PLB1: variants seen among roughly 807,000 people sequenced by gnomAD.
PLB1 encodes the protein phospholipase B1, membrane-associated.
Under a neutral mutation model 227.4 loss-of-function variants are expected in PLB1, and 242 were observed. The observed-to-expected ratio is 1.06, with a 90% CI of 0.96 to 1.18. The LOEUF (loss-of-function observed/expected upper bound fraction) is 1.18, where lower values mean the gene tolerates loss of function less well. PLB1 is among the 50% of genes most tolerant of loss of function. PLB1 has a pLI of 0.00. For synonymous variants in PLB1, 757 were observed against 682.2 expected (o/e 1.11, Z -1.71); for missense variants, 1,858 against 1,816.3 (o/e 1.02, Z -0.42).
intron 11 of PLB1, among the ~76,000 whole-genome samples, chr2:28,539,579 C>G (rs147551849): frequency 6.6e-6 from 1 of 152,258 alleles, no homozygotes; most frequent in Non-Finnish European, 1.5e-5. Context: ...CTATATATTT[C>G]TGAAAATGTT....
At chr2:28,592,626 C>T (rs748937037) in intron 31 of PLB1, 35 bp from the exon 32 acceptor site, 2 of 1,607,170 alleles carry the variant, frequency 1.2e-6, no homozygotes, top group Non-Finnish European at 1.7e-6. Context: ...TGGCTTCCCT[C>T]CTGCAGCCCT....
intron 17 of PLB1, among the ~76,000 whole-genome samples, chr2:28,553,698 A>G (rs908567664): frequency 4.0e-5 from 6 of 151,792 alleles, no homozygotes; most frequent in Non-Finnish European, 8.8e-5. Flanking sequence ...TTGGTCCTAA[A>G]GGGGGGGGAC....
intron 4 of PLB1, among the ~76,000 whole-genome samples, chr2:28,521,435 A>G (rs189411329): frequency 8.5e-5 from 13 of 152,208 alleles, no homozygotes; most frequent in African/African-American, 2.6e-4. Flanking sequence ...ATCCTCACCA[A>G]TGCCTGTTTT....
chr2:28,504,427 T>C (rs1170081400), intron 1 of PLB1, among the ~76,000 whole-genome samples: 5 of 152,170 alleles, frequency 3.3e-5, no homozygotes, highest in Non-Finnish European at 7.3e-5. Context: ...AAACTTCAAG[T>C]TTGTCTTATT....
intron 53 of PLB1, 115 bp downstream of exon 53, chr2:28,629,300 C>A (rs1168308071): frequency 2.4e-6 from 2 of 847,680 alleles, no homozygotes; most frequent in Admixed American, 2.6e-5. Context: ...AGAGGGTAGA[C>A]ATGGCTCAGG....
At chr2:28,574,259 T>C (rs1189032712) in intron 21 of PLB1, among the ~76,000 whole-genome samples, 1 of 152,102 alleles carries the variant, frequency 6.6e-6, no homozygotes, top group African/African-American at 2.4e-5. Flanking sequence ...AGTTGTTTAG[T>C]GGTGATTTCT....
chr2:28,623,547 T>C (rs1320643482), intron 49 of PLB1, among the ~76,000 whole-genome samples: 1 of 152,192 alleles, frequency 6.6e-6, no homozygotes, highest in African/African-American at 2.4e-5. Context: ...ATGTATGGGA[T>C]ACAATCCTAG....
chr2:28,620,825 G>T (rs1251387550), intron 48 of PLB1, 54 bp from the exon 49 acceptor site: 1 of 1,520,488 alleles, frequency 6.6e-7, no homozygotes, highest in Non-Finnish European at 9.1e-7. Context: ...CAGTTACTGT[G>T]AGGGTCCTGC....
intron 43 of PLB1, among the ~76,000 whole-genome samples, chr2:28,612,323 C>G (rs1005692124): frequency 2.0e-5 from 3 of 152,164 alleles, no homozygotes; most frequent in African/African-American, 7.2e-5. Context: ...CTCTTCCTTT[C>G]CCGCTGTCTG....
intron 55 of PLB1, 80 bp downstream of exon 55, chr2:28,632,220 G>GAT: frequency 9.3e-7 from 1 of 1,078,384 alleles, no homozygotes; most frequent in East Asian, 2.6e-5. Flanking sequence ...CTCTAAGTGG[G>GAT]CTTTTTTTTT....
chr2:28,501,613 C>T (rs1667112177), intron 1 of PLB1, among the ~76,000 whole-genome samples: 1 of 152,134 alleles, frequency 6.6e-6, no homozygotes, highest in African/African-American at 2.4e-5. Context: ...TTCCCCTACC[C>T]TTTCTATCCC....
In PLB1 at chr2:28,553,639, CA is replaced by C. The variant is rs528478687; in HGVS notation, c.1147+652del. On this transcript the variant is annotated intron_variant, in intron 17 of 57. Coordinates refer to ENST00000327757, the MANE Select transcript of PLB1 (RefSeq NM_153021.5). ...TGGCCATCTGGTGACCTGAGTGACT[CA>C]AAACATCAGCCTAGGAGCATCTGTA... is the stretch of plus-strand genomic sequence containing the variant. Among the ~76,000 whole-genome samples the C allele has an allele frequency of 1.5e-4, 23 of 152,256 alleles. No individual in the cohort carries two copies. The East Asian group carries it at 4.4e-3, about 29-fold the overall frequency.
chr2:28,590,149 A>G, intron 29 of PLB1, 73 bp downstream of exon 29: 2 of 1,310,716 alleles, frequency 1.5e-6, no homozygotes, highest in Non-Finnish European at 2.2e-6. Flanking sequence ...CTAGGCCCTC[A>G]CCCTCACCCC....
At chr2:28,603,473 C>T (rs1411086690) in intron 39 of PLB1, among the ~76,000 whole-genome samples, 6 of 152,142 alleles carry the variant, frequency 3.9e-5, no homozygotes, top group African/African-American at 1.2e-4. Flanking sequence ...GTTTCAAGTG[C>T]TTTAGAAATC....
At chr2:28,558,453 A>T (rs975294427) in intron 17 of PLB1, among the ~76,000 whole-genome samples, 1 of 152,102 alleles carries the variant, frequency 6.6e-6, no homozygotes, top group Non-Finnish European at 1.5e-5. Flanking sequence ...AAAAGGTCTT[A>T]TTTTTTGTTT....
rs769728588 is a variant in PLB1 at position 28,550,080 on chromosome 2, T to G, written c.1079T>G (p.Leu360Arg). 6.2e-7 allele frequency: 1 copy of G among 1,611,220 alleles called. No homozygotes were observed. The highest frequency in any genetic ancestry group is 1.3e-5 in the African/African-American group (1 of 74,962). Residue 360 changes from leucine to arginine, a missense_variant, in exon 16 of 58, where the codon CTT becomes CGT. Transcript: ENST00000327757. ...LTRLQKPQDK[L>R]EVREGAEIRC... ...AGACTGCAGAAACCCCAAGACAAGC[T>G]TGAGGTAAGGAAAGGTTTTCTGTAA...
intron 32 of PLB1, among the ~76,000 whole-genome samples, chr2:28,593,167 C>CT (rs777088618): frequency 2.4e-4 from 36 of 152,200 alleles, no homozygotes; most frequent in South Asian, 1.2e-3. Context: ...AGAAATGGGG[C>CT]TATTTTACTA....
Position 28,563,140 on chromosome 2 carries a change from T to A in PLB1, c.1206+41T>A, listed in dbSNP as rs1235591985. On this transcript the variant is annotated intron_variant, in intron 18 of 57. Coordinates refer to ENST00000327757, the MANE Select transcript of PLB1 (RefSeq NM_153021.5). ...GCAGAAGGGGCAGGAGGGGAAAAGA[T>A]TTTGACTAATATGAGAACCTGGAGA... 3 of 1,569,080 alleles carry A rather than the reference T, an allele frequency of 1.9e-6. No homozygotes were observed. In the African/African-American group the frequency reaches 4.1e-5, roughly 21 times the overall value.
At chr2:28,592,059 T>C (rs1682047319) in intron 31 of PLB1, among the ~76,000 whole-genome samples, 1 of 152,110 alleles carries the variant, frequency 6.6e-6, no homozygotes, top group African/African-American at 2.4e-5. Flanking sequence ...AGCCCAGAGG[T>C]GGGCCCCAGT....
Sources: gnomAD v4.1 joint callset for allele counts (sites outside exome capture counted in the v4.1 genomes callset) on GRCh38, gnomAD v4.1.1 for gene constraint, MANE v1.5 for transcripts, NCBI Gene and HGNC (gene_info 2026-07-23, HGNC 2026-07-21) for gene names.